SSBP3: variants seen among roughly 807,000 people sequenced by gnomAD.
The protein encoded by SSBP3 is single-stranded DNA-binding protein 3.
A neutral mutation model predicts 69.6 loss-of-function variants in SSBP3; 5 were observed. The ratio of observed to expected loss-of-function variants is 0.07; its 90% CI spans 0.04 to 0.15. The LOEUF is 0.15. Among genes scored for constraint, SSBP3 ranks in the 10% least tolerant of loss-of-function variants. The pLI is 1.00. For missense variants in SSBP3, 312 were observed against 534.0 expected (o/e 0.58, Z 4.10); for synonymous variants, 196 against 193.4 (o/e 1.01, Z -0.11).
At chr1:54,358,628 C>A (rs1646904886) in intron 4 of SSBP3, among the ~76,000 whole-genome samples, 1 of 152,166 alleles carries the variant, frequency 6.6e-6, no homozygotes, top group Admixed American at 6.5e-5. Context: ...GATGCCCAGT[C>A]TGACCTCTGA....
intron 4 of SSBP3, among the ~76,000 whole-genome samples, chr1:54,365,360 G>A (rs1647012926): frequency 6.6e-6 from 1 of 152,172 alleles, no homozygotes; most frequent in South Asian, 2.1e-4. Flanking sequence ...GTGTGTGTGT[G>A]TGTGTTGGAA....
intron 7 of SSBP3, among the ~76,000 whole-genome samples, chr1:54,254,935 C>T (rs1033382392): frequency 6.6e-6 from 1 of 152,104 alleles, no homozygotes; most frequent in Non-Finnish European, 1.5e-5. Context: ...TAGGTCCCAG[C>T]GATTCTCCTG....
intron 7 of SSBP3, among the ~76,000 whole-genome samples, chr1:54,253,655 T>C (rs1030752443): frequency 5.3e-5 from 8 of 152,226 alleles, no homozygotes; most frequent in Non-Finnish European, 1.0e-4. Context: ...GGTTTGCGTC[T>C]GCCCACTGGG....
At chr1:54,266,692 G>A (rs1325313903) in intron 5 of SSBP3, among the ~76,000 whole-genome samples, 2 of 152,074 alleles carry the variant, frequency 1.3e-5, no homozygotes, top group Non-Finnish European at 2.9e-5. Context: ...TTACAAAGGG[G>A]GAAAACTGAA....
intron 4 of SSBP3, among the ~76,000 whole-genome samples, chr1:54,348,240 T>C (rs1303937287): frequency 6.2e-4 from 1 of 1,606 alleles, no homozygotes; most frequent in African/African-American, 2.6e-3. Context: ...ATAGAAGGCA[T>C]GGGGGGCGGG....
chr1:54,278,433 G>A (rs976560040), intron 5 of SSBP3, among the ~76,000 whole-genome samples: 1 of 152,048 alleles, frequency 6.6e-6, no homozygotes, highest in South Asian at 2.1e-4. Context: ...GACCAGACAG[G>A]TACTGCCCGC....
intron 13 of SSBP3, among the ~76,000 whole-genome samples, chr1:54,240,093 C>CGTGTGT (rs1296410551): frequency 1.1e-3 from 23 of 21,238 alleles, no homozygotes; most frequent in Middle Eastern, 0.017. Context: ...TGTGTGCGCG[C>CGTGTGT]GCGCGCGTGT....
At chr1:54,242,341 G>A (rs566961826) in intron 10 of SSBP3, 129 bp from the exon 11 acceptor site, 1 of 1,042,494 alleles carries the variant, frequency 9.6e-7, no homozygotes, top group East Asian at 2.5e-5. Flanking sequence ...CTGCGGTTTA[G>A]AGCCTTCTGG....
chr1:54,412,650 AC>A (rs1218328487), intron 1 of SSBP3: 1 of 152,218 alleles, frequency 6.6e-6, no homozygotes, highest in Non-Finnish European at 1.5e-5. Context: ...ATGTGAATAC[AC>A]TCAATGCCAC....
At chr1:54,386,695 T>TTTTTTTTTTC (rs1648113473) in intron 4 of SSBP3, among the ~76,000 whole-genome samples, 5 of 140,138 alleles carry the variant, frequency 3.6e-5, no homozygotes, top group African/African-American at 1.4e-4. Flanking sequence ...TTTTTTTTTT[T>TTTTTTTTTTC]TTTTTTTTTA....
chr1:54,402,042 C>G, intron 3 of SSBP3, 97 bp from the exon 4 acceptor site: 1 of 1,014,128 alleles, frequency 9.9e-7, no homozygotes, highest in East Asian at 2.5e-5. Context: ...TACTAGGTCT[C>G]CCAAAGGCTC....
At chr1:54,335,291 A>G (rs1378989247) in intron 4 of SSBP3, among the ~76,000 whole-genome samples, 1 of 152,210 alleles carries the variant, frequency 6.6e-6, no homozygotes, top group East Asian at 1.9e-4. Context: ...AATATGTTTC[A>G]TTTCTTCAAC....
Position 54,282,733 on chromosome 1 carries a change from A to T in SSBP3, c.277-1206T>A, listed in dbSNP as rs567952811. 2.6e-5 allele frequency among the ~76,000 whole-genome samples: 4 copies of T among 152,190 alleles called. No homozygotes were observed. The East Asian group carries it at 7.7e-4, about 29-fold the overall frequency. ...AACCGGGCCCTGCTCCTTCCCACTG[A>T]TTCTAGGCCTTCAGGGGCTCCTTCT... On this transcript the variant is annotated intron_variant, in intron 4 of 17. Coordinates refer to ENST00000610401, the Ensembl canonical transcript of SSBP3.
At chr1:54,379,887 C>T (rs1274892546) in intron 4 of SSBP3, among the ~76,000 whole-genome samples, 1 of 152,206 alleles carries the variant, frequency 6.6e-6, no homozygotes, top group Non-Finnish European at 1.5e-5. Flanking sequence ...CCTTCCCACC[C>T]GCCGTTCTAA....
chr1:54,408,628 A>G (rs1017807878), upstream of SSBP3, among the ~76,000 whole-genome samples: 5 of 152,222 alleles, frequency 3.3e-5, no homozygotes, highest in Non-Finnish European at 7.3e-5. Context: ...AAGCATATCT[A>G]TTTGAGCATC....
intron 4 of SSBP3, among the ~76,000 whole-genome samples, chr1:54,377,794 G>A (rs2100707199): frequency 6.6e-6 from 1 of 152,218 alleles, no homozygotes; most frequent in East Asian, 1.9e-4. Context: ...TGGCTTTGAT[G>A]ACAGCATTTA....
chr1:54,235,273 GTTTTTTT>G (rs200538399), intron 14 of SSBP3, among the ~76,000 whole-genome samples: 2 of 112,034 alleles, frequency 1.8e-5, no homozygotes, highest in Admixed American at 9.9e-5. Context: ...AAGATGTCCA[GTTTTTTT>G]TTTTTTTTTT....
intron 4 of SSBP3, among the ~76,000 whole-genome samples, chr1:54,354,576 G>A (rs1646833764): frequency 1.3e-5 from 2 of 152,078 alleles, no homozygotes; most frequent in Admixed American, 6.5e-5. Context: ...AGACCTGCTG[G>A]GCCTCTAACA....
chr1:54,296,691 C>T (rs1437865092), intron 4 of SSBP3, among the ~76,000 whole-genome samples: 1 of 152,212 alleles, frequency 6.6e-6, no homozygotes, highest in Non-Finnish European at 1.5e-5. Context: ...CAAGTTTCTG[C>T]TGCATCCCCT....
Sources: allele counts gnomAD v4.1 joint callset (sites outside exome capture counted in the v4.1 genomes callset), GRCh38; gene constraint gnomAD v4.1.1; transcripts MANE v1.5; gene names NCBI Gene and HGNC (gene_info 2026-07-23, HGNC 2026-07-21).